HEPH: variants seen among roughly 807,000 people sequenced by gnomAD.
The protein encoded by HEPH is hephaestin.
HEPH carries 69 observed loss-of-function variants against 80.8 expected under a neutral mutation model. That is an observed-to-expected ratio of 0.85 (90% CI 0.70 to 1.04). The LOEUF (loss-of-function observed/expected upper bound fraction) is 1.04. Ranked by LOEUF, HEPH falls within the 50% of genes least tolerant of loss-of-function variation. The pLI is 0.00. For missense variants in HEPH, 1,115 were observed against 891.3 expected (o/e 1.25, Z -3.20); for synonymous variants, 431 against 322.8 (o/e 1.34, Z -3.60).
intron 15 of HEPH, among the ~76,000 whole-genome samples, chrX:66,210,085 G>A (rs1281574445): frequency 3.6e-5 from 4 of 111,148 alleles, no homozygotes; most frequent in Non-Finnish European, 7.5e-5. Context: ...CCCGAGGAAG[G>A]CCAATTTTTA....
At chrX:66,208,824 G>A (rs2088957529) in intron 15 of HEPH, among the ~76,000 whole-genome samples, 1 of 106,077 alleles carries the variant, frequency 9.4e-6, no homozygotes, top group Non-Finnish European at 1.9e-5. Flanking sequence ...TATACCCTTG[G>A]ATACAGTATG....
chrX:66,267,685 A>G (rs1156934635), downstream of HEPH: 2 of 111,761 alleles, frequency 1.8e-5, no homozygotes, highest in African/African-American at 6.5e-5. Flanking sequence ...GGCCAGGGGA[A>G]GTAGGACCAT....
At chrX:66,202,976 GTA>G (rs1159886565) in intron 12 of HEPH, among the ~76,000 whole-genome samples, 9 of 95,047 alleles carry the variant, frequency 9.5e-5, no homozygotes, top group Non-Finnish European at 1.7e-4. Flanking sequence ...TTTTATATAT[GTA>G]TATATATATG....
intron 15 of HEPH, among the ~76,000 whole-genome samples, chrX:66,239,530 G>A (rs2090489168): frequency 9.0e-6 from 1 of 111,563 alleles, no homozygotes; most frequent in Non-Finnish European, 1.9e-5. Context: ...CATCCTCTAT[G>A]TGATAATTAC....
intron 13 of HEPH, among the ~76,000 whole-genome samples, chrX:66,204,250 G>A (rs982144306): frequency 8.9e-6 from 1 of 111,812 alleles, no homozygotes. Flanking sequence ...ATAATTGGCT[G>A]CAAAAAGAGT....
chrX:66,220,788 C>T (rs1177833914), intron 15 of HEPH, among the ~76,000 whole-genome samples: 1 of 111,278 alleles, frequency 9.0e-6, no homozygotes, highest in Non-Finnish European at 1.9e-5. Flanking sequence ...CACCAGTCCT[C>T]AGACCTTAAT....
chrX:66,179,618 A>G (rs775022574), intron 4 of HEPH, among the ~76,000 whole-genome samples: 1 of 110,506 alleles, frequency 9.0e-6, no homozygotes, highest in East Asian at 2.8e-4. Flanking sequence ...TTCTTTGTTG[A>G]CTTTCTGTCT....
intron 1 of HEPH, among the ~76,000 whole-genome samples, chrX:66,169,459 C>A (rs920110440): frequency 3.6e-5 from 4 of 111,254 alleles, no homozygotes; most frequent in African/African-American, 1.3e-4. Context: ...TCACTGAGTG[C>A]TTCGTCCTAG....
At chrX:66,268,648 G>A (rs2091588963), downstream of HEPH, 1 of 111,844 alleles carries the variant, frequency 8.9e-6, no homozygotes. Context: ...ATAACTCTAA[G>A]AGACTAGGAG....
intron 4 of HEPH, among the ~76,000 whole-genome samples, chrX:66,186,472 G>GC (rs2087446600): frequency 8.9e-6 from 1 of 112,298 alleles, no homozygotes. Flanking sequence ...TTTTCCAGGT[G>GC]CGTCCATCAC....
At chrX:66,232,173 C>G (rs867167085) in intron 15 of HEPH, among the ~76,000 whole-genome samples, 1 of 110,501 alleles carries the variant, frequency 9.0e-6, no homozygotes, top group African/African-American at 3.3e-5. Context: ...TGCTGGATTC[C>G]GTTTGCCAGT....
At position 66,200,828 on chromosome X, in the gene HEPH, T is replaced by C. The variant is rs1200807746; in HGVS notation, c.2077+76T>C. On this transcript the variant is annotated intron_variant, in intron 12 of 20. Transcript: ENST00000343002. Reference sequence around the variant, plus strand: ...GAATGGGGTCGGGAAGAGGGAGGGATGGTGAAGAGAAAATAATAGGCATGT... The same window carrying C: ...GAATGGGGTCGGGAAGAGGGAGGGACGGTGAAGAGAAAATAATAGGCATGT... The C allele has an allele frequency of 3.7e-6, 3 of 812,996 alleles. No homozygotes were observed. The African/African-American group carries it at 6.1e-5, about 17-fold the overall frequency. 67.0% of individuals were successfully genotyped at this position (812,996 alleles called of 1,213,427 possible). A position where few individuals can be genotyped will look rare whatever the true frequency, so the allele number is the denominator to read the frequency against.
At chrX:66,222,000 T>C (rs1248278317) in intron 15 of HEPH, among the ~76,000 whole-genome samples, 2 of 112,563 alleles carry the variant, frequency 1.8e-5, no homozygotes, top group Non-Finnish European at 3.8e-5. Flanking sequence ...GGATAGCCAA[T>C]TGGACTAATG....
chrX:66,262,524 T>G (rs1045289541), intron 19 of HEPH, among the ~76,000 whole-genome samples: 1 of 111,780 alleles, frequency 8.9e-6, no homozygotes, highest in Non-Finnish European at 1.9e-5. Context: ...AATAAATAAT[T>G]ATCACCAGCC....
intron 15 of HEPH, among the ~76,000 whole-genome samples, chrX:66,247,238 T>C (rs1014115376): frequency 2.7e-5 from 3 of 110,309 alleles, no homozygotes; most frequent in Non-Finnish European, 5.7e-5. Flanking sequence ...TTTTTAGCCA[T>C]TATTGTTTCA....
intron 15 of HEPH, among the ~76,000 whole-genome samples, chrX:66,208,606 AG>A (rs2088928531): frequency 1.1e-5 from 1 of 89,919 alleles, no homozygotes; most frequent in Non-Finnish European, 2.2e-5. Flanking sequence ...GTGACAAGTA[AG>A]ACTCCATCTC....
chrX:66,194,287 G>A (rs189140801), intron 8 of HEPH, among the ~76,000 whole-genome samples: 1 of 111,892 alleles, frequency 8.9e-6, no homozygotes, highest in Non-Finnish European at 1.9e-5. Context: ...ACATCAGCTG[G>A]ATAGGGAGAT....
intron 15 of HEPH, among the ~76,000 whole-genome samples, chrX:66,212,402 C>A (rs778083597): frequency 1.8e-5 from 2 of 110,824 alleles, no homozygotes; most frequent in African/African-American, 6.5e-5. Context: ...GTCATAAATT[C>A]TTTGCCTCAA....
At chrX:66,165,194 G>A (rs1225082401) in intron 1 of HEPH, among the ~76,000 whole-genome samples, 2 of 111,731 alleles carry the variant, frequency 1.8e-5, no homozygotes, top group South Asian at 3.8e-4. Flanking sequence ...TTTTATTTGG[G>A]CCTCAAGACA....
Sources: gnomAD v4.1 joint callset for allele counts (sites outside exome capture counted in the v4.1 genomes callset) on GRCh38, gnomAD v4.1.1 for gene constraint, MANE v1.5 for transcripts, NCBI Gene and HGNC (gene_info 2026-07-23, HGNC 2026-07-21) for gene names.